The following ASIC5 variants were observed in gnomAD, a reference collection of about 807,000 sequenced individuals.
ASIC5 encodes the protein bile acid-sensitive ion channel.
A neutral mutation model predicts 51.2 loss-of-function variants in ASIC5; 52 were observed. That is an observed-to-expected ratio of 1.02 (90% CI 0.81 to 1.28). The LOEUF (loss-of-function observed/expected upper bound fraction) is 1.28. Among genes scored for constraint, ASIC5 ranks in the 50% most tolerant of loss-of-function variants. The pLI, the probability that ASIC5 is intolerant of heterozygous loss-of-function variation, is 0.00. For synonymous variants in ASIC5, 231 were observed against 200.7 expected (o/e 1.15, Z -1.28); for missense variants, 635 against 595.0 (o/e 1.07, Z -0.70).
Position 155,838,878 on chromosome 4 carries a change from TA to T in ASIC5, c.1010-10del, listed in dbSNP as rs775494508. The T allele has an allele frequency of 6.0e-6, 9 of 1,504,230 alleles. No individual in the cohort carries two copies. In the South Asian group the frequency reaches 9.2e-5, roughly 15 times the overall value. The allele number at this position is 1,504,230 out of a possible 1,614,324, so 93.2% of individuals were successfully genotyped here. A position where few individuals can be genotyped will look rare whatever the true frequency, so the allele number is the denominator to read the frequency against. The stretch of plus-strand genomic sequence containing the variant: ...ACATTCTATCCCATATCCTTAAAAA[TA>T]ATAAGTGTAACATATAGAGACTTTA... On this transcript the variant is annotated splice_polypyrimidine_tract_variant and intron_variant, in intron 6 of 9. Transcript: ENST00000537611.
intron 4 of ASIC5, among the ~76,000 whole-genome samples, chr4:155,844,681 T>G (rs925780137): frequency 9.9e-5 from 15 of 151,930 alleles, no homozygotes; most frequent in Admixed American, 5.3e-4. Flanking sequence ...CTCTAGCTCA[T>G]GAGTATAGAA....
intron 3 of ASIC5, among the ~76,000 whole-genome samples, chr4:155,853,861 T>C (rs1478441622): frequency 6.6e-6 from 1 of 151,964 alleles, no homozygotes; most frequent in Non-Finnish European, 1.5e-5. Flanking sequence ...AAGTTTTCTC[T>C]TTTCTATCTT....
At chr4:155,849,915 A>G (rs568148166) in intron 4 of ASIC5, among the ~76,000 whole-genome samples, 1 of 152,002 alleles carries the variant, frequency 6.6e-6, no homozygotes, top group East Asian at 1.9e-4. Flanking sequence ...TATTTCCAGT[A>G]TTGTTCTTTT....
At chr4:155,838,487 C>T (rs1355008704) in intron 7 of ASIC5, among the ~76,000 whole-genome samples, 5 of 152,134 alleles carry the variant, frequency 3.3e-5, no homozygotes, top group African/African-American at 1.2e-4. Context: ...TTTATTTTTA[C>T]ATGATTTCCT....
At chr4:155,837,237 C>A (rs190981180) in intron 7 of ASIC5, among the ~76,000 whole-genome samples, 8 of 142,046 alleles carry the variant, frequency 5.6e-5, no homozygotes, top group Non-Finnish European at 1.1e-4. Flanking sequence ...TGTAAAATAT[C>A]AGATATTTGG....
At chr4:155,843,854 C>T (rs1741178374) in intron 4 of ASIC5, 24 bp from the exon 5 acceptor site, 8 of 1,612,216 alleles carry the variant, frequency 5.0e-6, no homozygotes, top group Non-Finnish European at 6.8e-6. Flanking sequence ...ATGTTTTTGC[C>T]CAAATTGCAA....
In ASIC5 at chr4:155,831,927, A is replaced by C. The variant is rs770375231; in HGVS notation, c.1236-12T>G. 7.4e-7 allele frequency: 1 copy of C among 1,355,604 alleles called. No homozygotes were observed. 84.0% of individuals were successfully genotyped at this position (1,355,604 alleles called of 1,614,324 possible). On this transcript the variant is annotated splice_polypyrimidine_tract_variant and intron_variant, in intron 8 of 9. Transcript: ENST00000537611. ...TTACAAGATTCTCCCTAGGGATAAA[A>C]AAGAGAGTTAATATAGCTTAAGATT...
At chr4:155,864,702 T>C (rs1339910237) in intron 1 of ASIC5, 1 of 152,172 alleles carries the variant, frequency 6.6e-6, no homozygotes, top group Non-Finnish European at 1.5e-5. Context: ...ATGAATTTGT[T>C]GTATTAAATT....
chr4:155,864,249 A>G (rs1741801008), intron 1 of ASIC5, among the ~76,000 whole-genome samples: 1 of 152,142 alleles, frequency 6.6e-6, no homozygotes, highest in African/African-American at 2.4e-5. Flanking sequence ...TCATTCTCGT[A>G]TTCTTTAATG....
intron 7 of ASIC5, among the ~76,000 whole-genome samples, chr4:155,838,324 C>T (rs951774444): frequency 6.6e-6 from 1 of 152,018 alleles, no homozygotes; most frequent in Admixed American, 6.6e-5. Context: ...AAAGAGGGGG[C>T]TCTTTAATAA....
intron 2 of ASIC5, among the ~76,000 whole-genome samples, chr4:155,858,012 C>T (rs2110753990): frequency 6.6e-6 from 1 of 152,142 alleles, no homozygotes; most frequent in East Asian, 1.9e-4. Context: ...TACTCATAAA[C>T]AATGGATCAA....
At chr4:155,856,581 G>C (rs143710205) in intron 2 of ASIC5, among the ~76,000 whole-genome samples, 16 of 152,228 alleles carry the variant, frequency 1.1e-4, no homozygotes, top group Non-Finnish European at 4.4e-5. Flanking sequence ...ATCTGTCATG[G>C]TGGTATTCTG....
intron 2 of ASIC5, 126 bp from the exon 3 acceptor site, chr4:155,854,440 A>G: frequency 2.8e-6 from 2 of 716,006 alleles, no homozygotes; most frequent in Non-Finnish European, 4.7e-6. Flanking sequence ...TTTGCAAGAC[A>G]TTTAAGCAAA....
At chr4:155,855,587 C>T (rs1482965134) in intron 2 of ASIC5, among the ~76,000 whole-genome samples, 1 of 151,652 alleles carries the variant, frequency 6.6e-6, no homozygotes, top group African/African-American at 2.4e-5. Context: ...GAACGGAATG[C>T]ATATTCCACT....
At chr4:155,833,305 T>C (rs1740910607) in intron 8 of ASIC5, among the ~76,000 whole-genome samples, 1 of 152,186 alleles carries the variant, frequency 6.6e-6, no homozygotes, top group Non-Finnish European at 1.5e-5. Context: ...ATAATAATAA[T>C]AGTATTCATT....
In ASIC5 at chr4:155,865,853, C is replaced by A. The variant is rs553209207; in HGVS notation, c.40+334G>T. On this transcript the variant is annotated intron_variant, in intron 1 of 9. Transcript: ENST00000537611. The stretch of plus-strand genomic sequence containing the variant: ...CATTGAGTGCTGATCAACATAGAAG[C>A]ATTTTGAGGAACATCAAATCAGCTT... Among the ~76,000 whole-genome samples, 401 of 152,134 alleles carry A rather than the reference C, an allele frequency of 2.6e-3. 1 individual carries two copies. The highest frequency in any genetic ancestry group is 6.0e-3 in the Admixed American group (92 of 15,254).
chr4:155,865,795 T>C (rs1418194791), intron 1 of ASIC5, among the ~76,000 whole-genome samples: 1 of 152,010 alleles, frequency 6.6e-6, no homozygotes, highest in Non-Finnish European at 1.5e-5. Flanking sequence ...CTGACTGGAG[T>C]ATATACAGTG....
intron 4 of ASIC5, among the ~76,000 whole-genome samples, chr4:155,844,215 A>G (rs1379391383): frequency 1.3e-5 from 2 of 151,956 alleles, no homozygotes; most frequent in African/African-American, 4.8e-5. Context: ...AACCAATAGG[A>G]CGATTGCTGA....
chr4:155,855,600 T>A (rs2110743713), intron 2 of ASIC5, among the ~76,000 whole-genome samples: 1 of 151,758 alleles, frequency 6.6e-6, no homozygotes, highest in South Asian at 2.1e-4. Context: ...ATTCCACTCT[T>A]GGTAAGTATA....
Sources: gnomAD v4.1 joint callset for allele counts (sites outside exome capture counted in the v4.1 genomes callset) on GRCh38, gnomAD v4.1.1 for gene constraint, MANE v1.5 for transcripts, NCBI Gene and HGNC (gene_info 2026-07-23, HGNC 2026-07-21) for gene names.